Variants in NETO1 observed in about 807,000 individuals in gnomAD.
The protein encoded by NETO1 is neuropilin and tolloid like 1.
In NETO1, 26 loss-of-function variants were observed where a neutral mutation model predicts 61.3. The observed-to-expected ratio is 0.42, with a 90% CI of 0.31 to 0.59. NETO1 has a LOEUF of 0.59. Ranked by LOEUF, NETO1 falls within the 20% of genes least tolerant of loss-of-function variation. The probability of loss-of-function intolerance (pLI) is 0.12; values close to 1 mark genes in which losing one functional copy is unlikely to be tolerated. For missense variants in NETO1, 531 were observed against 662.8 expected, an observed-to-expected ratio of 0.80 and a Z score of 2.18; for synonymous variants, 225 against 225.8, an observed-to-expected ratio of 1.00 and a Z score of 0.03.
At chr18:72,794,012 T>G in intron 6 of NETO1, 105 bp downstream of exon 6, 1 of 1,407,246 alleles carries the variant, frequency 7.1e-7, no homozygotes, top group Non-Finnish European at 1.0e-6. Context: ...CTTTGATGGC[T>G]GCACTCTGAA....
intron 8 of NETO1, among the ~76,000 whole-genome samples, chr18:72,752,555 T>G (rs1177448488): frequency 6.6e-6 from 1 of 152,048 alleles, no homozygotes; most frequent in African/African-American, 2.4e-5. Flanking sequence ...GAGTTAGTAT[T>G]CAGAGATGCT....
At chr18:72,801,399 C>G (rs1338248942) in intron 4 of NETO1, among the ~76,000 whole-genome samples, 10 of 152,120 alleles carry the variant, frequency 6.6e-5, no homozygotes, top group Non-Finnish European at 8.8e-5. Flanking sequence ...ATCTATTTGT[C>G]TTTTTGCATT....
chr18:72,822,292 T>C (rs1285539772), intron 4 of NETO1, among the ~76,000 whole-genome samples: 3 of 151,978 alleles, frequency 2.0e-5, no homozygotes, highest in South Asian at 2.1e-4. Flanking sequence ...GCCAACAAGG[T>C]GGGCAGGTGG....
intron 3 of NETO1, among the ~76,000 whole-genome samples, chr18:72,861,838 C>A (rs921065439): frequency 1.3e-5 from 2 of 152,156 alleles, no homozygotes; most frequent in African/African-American, 4.8e-5. Context: ...AGAGAAAAAA[C>A]CACCCATCTC....
intron 4 of NETO1, among the ~76,000 whole-genome samples, chr18:72,794,620 A>G (rs186182316): frequency 3.9e-5 from 6 of 152,316 alleles, no homozygotes; most frequent in Admixed American, 3.9e-4. Context: ...GGTTTTTCTC[A>G]ATACAAAAAA....
chr18:72,865,733 A>T, intron 1 of NETO1: 1 of 1,495,786 alleles, frequency 6.7e-7, no homozygotes, highest in Non-Finnish European at 9.0e-7. Context: ...CAAATCCTAC[A>T]GACTGTGGAG....
chr18:72,818,774 A>T (rs2073101616), intron 4 of NETO1, among the ~76,000 whole-genome samples: 1 of 152,068 alleles, frequency 6.6e-6, no homozygotes, highest in South Asian at 2.1e-4. Flanking sequence ...TTATATAAAC[A>T]TTTTTTCGTT....
intron 1 of NETO1, chr18:72,866,606 C>T: frequency 3.1e-6 from 2 of 649,650 alleles, no homozygotes; most frequent in Non-Finnish European, 3.8e-6. Context: ...CTGCGTGGCC[C>T]GCGATCAACA....
chr18:72,749,723 G>C (rs374747019), intron 9 of NETO1, among the ~76,000 whole-genome samples: 5 of 151,954 alleles, frequency 3.3e-5, no homozygotes, highest in Non-Finnish European at 2.9e-5. Context: ...TGGGAGCAAT[G>C]GTCACATGGA....
intron 4 of NETO1, among the ~76,000 whole-genome samples, chr18:72,807,922 T>C (rs2072732753): frequency 6.6e-6 from 1 of 152,180 alleles, no homozygotes; most frequent in South Asian, 2.1e-4. Flanking sequence ...CCCTTAATTC[T>C]CTCAGAATGC....
At chr18:72,821,234 T>TAAAAAAAAAAAAAAAAAAAA (rs10672110) in intron 4 of NETO1, among the ~76,000 whole-genome samples, 2 of 80,214 alleles carry the variant, frequency 2.5e-5, no homozygotes, top group Non-Finnish European at 4.7e-5. Flanking sequence ...TCATATTAAC[T>TAAAAAAAAAAAAAAAAAAAA]AAAAAAAAAA....
chr18:72,866,893 GA>G, intron 1 of NETO1: 4 of 678,712 alleles, frequency 5.9e-6, no homozygotes, highest in East Asian at 6.3e-5. Flanking sequence ...CCTAGAAGAG[GA>G]AGACTCCTCT....
At chr18:72,768,669 G>T (rs545830090) in intron 7 of NETO1, among the ~76,000 whole-genome samples, 132 of 152,288 alleles carry the variant, frequency 8.7e-4, no homozygotes, top group African/African-American at 3.2e-3. Flanking sequence ...GCACAGAGGT[G>T]ATGTAACAGC....
At chr18:72,838,123 C>T (rs2073814227) in intron 4 of NETO1, among the ~76,000 whole-genome samples, 2 of 152,354 alleles carry the variant, frequency 1.3e-5, no homozygotes, top group South Asian at 2.1e-4. Flanking sequence ...AAAAAGGAAA[C>T]AAGCCTGTCC....
At chr18:72,792,650 T>C (rs2072162779) in intron 6 of NETO1, among the ~76,000 whole-genome samples, 2 of 151,680 alleles carry the variant, frequency 1.3e-5, no homozygotes, top group African/African-American at 4.8e-5. Flanking sequence ...AAAACAATTT[T>C]CCAAATATGC....
chr18:72,800,605 G>C (rs1464163381), intron 4 of NETO1, among the ~76,000 whole-genome samples: 2 of 152,172 alleles, frequency 1.3e-5, no homozygotes, highest in Middle Eastern at 3.4e-3. Flanking sequence ...TAGAAATAAA[G>C]TGCACAATAA....
intron 4 of NETO1, among the ~76,000 whole-genome samples, chr18:72,814,216 C>T (rs2072956994): frequency 6.6e-6 from 1 of 152,082 alleles, no homozygotes; most frequent in South Asian, 2.1e-4. Context: ...GATGGGCACT[C>T]ACTGAATCCA....
rs12965824 is a variant in NETO1 at position 72,750,174 on chromosome 18, C to A, written c.1429G>T (p.Val477Phe). 6.2e-7 allele frequency: 1 copy of A among 1,613,956 alleles called. No homozygotes were observed. The highest frequency in any genetic ancestry group is 8.5e-7 in the Non-Finnish European group (1 of 1,179,954). The change falls in exon 9 of 11, where the codon GTC becomes TTC. Residue 477 changes from valine (V) to phenylalanine (F), a missense_variant. Transcript: ENST00000327305. ...IPPMNRRNIL[V>F]MKHSYSQDAA... ...TCTTGCGAGTAGCTGTGTTTCATGA[C>A]AAGGATATTTCTTCTGTTCATGGGT...
intron 3 of NETO1, among the ~76,000 whole-genome samples, chr18:72,863,826 G>A (rs916223004): frequency 2.0e-5 from 3 of 151,932 alleles, no homozygotes; most frequent in South Asian, 4.2e-4. Context: ...GGGGAAGGTG[G>A]GTGCTTCCAG....
Sources: gnomAD v4.1 joint callset for allele counts (sites outside exome capture counted in the v4.1 genomes callset) on GRCh38, gnomAD v4.1.1 for gene constraint, MANE v1.5 for transcripts, NCBI Gene and HGNC (gene_info 2026-07-23, HGNC 2026-07-21) for gene names.